Variants in TRAP1 observed in about 807,000 individuals in gnomAD.
TRAP1 encodes the protein heat shock protein 75 kDa, mitochondrial.
A neutral mutation model predicts 89.1 loss-of-function variants in TRAP1; 102 were observed. That is an observed-to-expected ratio of 1.15 (90% CI 0.98 to 1.35). TRAP1 has a LOEUF of 1.35. Among genes scored for constraint, TRAP1 ranks in the 40% most tolerant of loss-of-function variants. TRAP1 has a pLI of 0.00. For missense variants in TRAP1, 1,256 were observed against 945.3 expected (o/e 1.33, Z -4.31); for synonymous variants, 508 against 388.0 (o/e 1.31, Z -3.64).
chr16:3,686,226 A>G, intron 3 of TRAP1, 90 bp from the exon 4 acceptor site: 2 of 1,430,534 alleles, frequency 1.4e-6, no homozygotes, highest in Non-Finnish European at 1.9e-6. Flanking sequence ...TAACTGTTAA[A>G]AGGTAGAGGA....
At chr16:3,686,267 T>A (rs1256591445) in intron 3 of TRAP1, 131 bp from the exon 4 acceptor site, 2 of 1,120,298 alleles carry the variant, frequency 1.8e-6, no homozygotes, top group East Asian at 5.2e-5. Flanking sequence ...ATAAAGAGTT[T>A]CTGCTTTAGT....
Position 3,679,804 on chromosome 16 carries a change from C to T in TRAP1, c.472-14G>A, listed in dbSNP as rs368607096. On this transcript the variant is annotated splice_polypyrimidine_tract_variant and intron_variant, in intron 4 of 17. Coordinates refer to ENST00000246957, the MANE Select transcript of TRAP1 (RefSeq NM_016292.3). ...GATACCAGTATCCTGAGGAGAGAGA[C>T]GCACTAAGTGCCAAGCCCCCAGCAC... is the stretch of plus-strand genomic sequence containing the variant. 10 of 1,613,698 alleles carry T rather than the reference C, an allele frequency of 6.2e-6. No individual in the cohort carries two copies. The highest frequency in any genetic ancestry group is 5.3e-5 in the African/African-American group (4 of 74,926).
intron 15 of TRAP1, 133 bp from the exon 16 acceptor site, chr16:3,662,265 G>A (rs374186940): frequency 1.3e-4 from 142 of 1,074,404 alleles, no homozygotes; most frequent in Non-Finnish European, 1.6e-4. Context: ...CTGGACCAGC[G>A]CTGCTCCCTC....
intron 1 of TRAP1, among the ~76,000 whole-genome samples, chr16:3,707,299 C>T (rs1252279719): frequency 6.6e-6 from 1 of 150,570 alleles, no homozygotes. Flanking sequence ...CATTCTCCTG[C>T]CTCAGCCTCC....
rs1478246692 is a variant in TRAP1, at chr16:3,662,016, G to A, written c.1911C>T (p.Leu637=). ...LAKTQEERAQ[L]LQPTLEINPR... The stretch of plus-strand genomic sequence containing the variant: ...GGTTGATCTCCAGCGTGGGCTGCAG[G>A]AGCTGTGCGCGCTCCTCCTGGGTCT... Residue 637 remains leucine (L), a synonymous_variant, in exon 16 of 18, where the codon CTC becomes CTT. Transcript: ENST00000246957. 6.2e-7 allele frequency: 1 copy of A among 1,611,586 alleles called. No homozygotes were observed. Among genetic ancestry groups the A allele is most frequent in the Non-Finnish European group, 8.5e-7 (1 of 1,179,064 alleles).
chr16:3,661,901 CTG>C (rs1489617961), intron 16 of TRAP1, 84 bp downstream of exon 16: 2 of 1,468,778 alleles, frequency 1.4e-6, no homozygotes, highest in African/African-American at 2.8e-5. Flanking sequence ...CACTTTTCTT[CTG>C]TGTCACATTC....
chr16:3,715,590 A>G (rs2051587911), intron 1 of TRAP1, among the ~76,000 whole-genome samples: 1 of 152,164 alleles, frequency 6.6e-6, no homozygotes, highest in African/African-American at 2.4e-5. Context: ...GACAAAGAGA[A>G]AAAATCTTAA....
At chr16:3,672,532 G>A (rs1250112026) in intron 10 of TRAP1, among the ~76,000 whole-genome samples, 168 bp downstream of exon 10, 2 of 152,132 alleles carry the variant, frequency 1.3e-5, no homozygotes, top group Non-Finnish European at 2.9e-5. Flanking sequence ...TAGGGAGGTG[G>A]GGCAGCTCCC....
In TRAP1 at chr16:3,675,349, T is replaced by C. The variant is rs149915438; in HGVS notation, c.863A>G (p.Asn288Ser). 3.1e-6 allele frequency: 5 copies of C among 1,614,116 alleles called. No homozygotes were observed. In the East Asian group the frequency reaches 1.1e-4, roughly 36 times the overall value. The change falls in exon 8 of 18, where the codon AAT becomes AGT. Residue 288 changes from asparagine (N) to serine (S), a missense_variant. Transcript: ENST00000246957. ...SNFVSFPLYL[N>S]GRRMNTLQAI... ...CTGCAAGGTGTTCATCCGCCTTCCA[T>C]TCAAGTACAAGGGGAAGCTGACGAA...
intron 4 of TRAP1, among the ~76,000 whole-genome samples, chr16:3,682,893 G>C (rs964270243): frequency 2.0e-5 from 3 of 152,018 alleles, no homozygotes; most frequent in Non-Finnish European, 4.4e-5. Flanking sequence ...GTCAGGCTGG[G>C]TGCGGTAGCT....
At chr16:3,692,847 C>T (rs2051234647) in intron 1 of TRAP1, among the ~76,000 whole-genome samples, 1 of 152,078 alleles carries the variant, frequency 6.6e-6, no homozygotes, top group Non-Finnish European at 1.5e-5. Context: ...GATCTGCCCA[C>T]CTCAGCCTCC....
intron 1 of TRAP1, among the ~76,000 whole-genome samples, chr16:3,710,875 A>T (rs200894672): frequency 0.088 from 5,159 of 58,864 alleles, 365 homozygotes; most frequent in African/African-American, 0.29. Context: ...ATATATATAT[A>T]TATATTTTTT....
chr16:3,687,770 C>A (rs932841806), intron 3 of TRAP1, among the ~76,000 whole-genome samples: 10 of 150,852 alleles, frequency 6.6e-5, no homozygotes, highest in African/African-American at 2.4e-4. Context: ...ATGGCTTGAG[C>A]TCAGGAGGCG....
chr16:3,664,152 C>A, intron 13 of TRAP1, 122 bp downstream of exon 13: 3 of 1,091,892 alleles, frequency 2.7e-6, no homozygotes, highest in Non-Finnish European at 3.8e-6. Context: ...TGCCCGTGAC[C>A]CTGACCCACT....
chr16:3,658,037 T>A lies in TRAP1; in HGVS notation c.*92A>T, dbSNP rs1028977735. The A allele has an allele frequency of 2.5e-6, 4 of 1,607,870 alleles. No homozygotes were observed. The highest frequency in any genetic ancestry group is 2.7e-5 in the African/African-American group (2 of 74,670). On this transcript the variant is annotated 3_prime_UTR_variant, in exon 18 of 18. Transcript: ENST00000246957. The stretch of plus-strand genomic sequence containing the variant: ...CCCAGAAAAAAAGCCCAACACACAC[T>A]CGGGTTAAGAAATACCTTTAAATTT...
intron 16 of TRAP1, chr16:3,661,756 C>G (rs1028866935): frequency 8.1e-5 from 35 of 434,776 alleles, no homozygotes; most frequent in Non-Finnish European, 1.1e-4. Context: ...AGGACATGGT[C>G]ACAGGCTGGG....
At position 3,672,818 on chromosome 16, in the gene TRAP1, T is replaced by C; in HGVS notation, c.1047A>G (p.Lys349=). 2 of 1,612,034 alleles carry C rather than the reference T, an allele frequency of 1.2e-6. No homozygotes were observed. Among genetic ancestry groups the C allele is most frequent in the South Asian group, 2.2e-5 (2 of 90,806 alleles). The stretch of plus-strand genomic sequence containing the variant: ...CCCGGCTCACATCAAACATGGACGG[T>C]TTCTGGGGGTGAGGAGAACACGCCA... The part of the protein sequence containing the change: ...IRSIFYVPDM[K]PSMFDVSREL... Residue 349 remains lysine (K), a splice_region_variant and synonymous_variant, in exon 10 of 18, where the codon AAA becomes AAG. Transcript: ENST00000246957.
At chr16:3,688,172 GTTTT>G (rs199589462) in intron 3 of TRAP1, among the ~76,000 whole-genome samples, 1 of 151,918 alleles carries the variant, frequency 6.6e-6, no homozygotes, top group African/African-American at 2.4e-5. Context: ...GTTTTGCGGG[GTTTT>G]TTTTAATAGA....
chr16:3,712,349 A>C (rs547867866), intron 1 of TRAP1, among the ~76,000 whole-genome samples: 5 of 149,074 alleles, frequency 3.4e-5, no homozygotes, highest in African/African-American at 1.2e-4. Context: ...ACAAGCAAGT[A>C]TCACAGGCCT....
Sources: gnomAD v4.1 joint callset for allele counts (sites outside exome capture counted in the v4.1 genomes callset) on GRCh38, gnomAD v4.1.1 for gene constraint, MANE v1.5 for transcripts, NCBI Gene and HGNC (gene_info 2026-07-23, HGNC 2026-07-21) for gene names.